The following EPB41 variants were observed in gnomAD, a reference collection of about 807,000 sequenced individuals.
The protein encoded by EPB41 is protein 4.1.
Under a neutral mutation model 108.0 loss-of-function variants are expected in EPB41, and 65 were observed. The ratio of observed to expected loss-of-function variants is 0.60; its 90% CI spans 0.49 to 0.74. The LOEUF is 0.74. Among genes scored for constraint, EPB41 ranks in the 30% least tolerant of loss-of-function variants. The pLI, the probability that EPB41 is intolerant of heterozygous loss-of-function variation, is 0.00. For missense variants in EPB41, 875 were observed against 1,037.0 expected, an observed-to-expected ratio of 0.84 and a Z score of 2.15; for synonymous variants, 336 against 358.9, an observed-to-expected ratio of 0.94 and a Z score of 0.72.
At chr1:29,036,452 G>T (rs1054830640) in intron 10 of EPB41, among the ~76,000 whole-genome samples, 1 of 151,858 alleles carries the variant, frequency 6.6e-6, no homozygotes, top group African/African-American at 2.4e-5. Flanking sequence ...ATAGAGACAC[G>T]CTTTCACTAT....
chr1:29,001,683 CTA>C (rs1274598452), intron 4 of EPB41, among the ~76,000 whole-genome samples: 1 of 152,284 alleles, frequency 6.6e-6, no homozygotes, highest in Admixed American at 6.5e-5. Flanking sequence ...TCATTGTCTT[CTA>C]GTTTCCAGTG....
chr1:28,975,872 C>T (rs2095593053), intron 1 of EPB41, among the ~76,000 whole-genome samples: 3 of 135,592 alleles, frequency 2.2e-5, no homozygotes, highest in Middle Eastern at 4.1e-3. Flanking sequence ...ACCCGGGAGG[C>T]GGAGCTTGCA....
At chr1:28,993,028 C>T (rs1040112175) in intron 2 of EPB41, among the ~76,000 whole-genome samples, 40 of 152,026 alleles carry the variant, frequency 2.6e-4, no homozygotes, top group Non-Finnish European at 5.1e-4. Flanking sequence ...TTTAATAATA[C>T]CGTGTAATGG....
At position 29,035,678 on chromosome 1, in the gene EPB41, GA is replaced by G. The variant is rs575107237; in HGVS notation, c.1366-142del. ...TGAGTGAATTTCTTTCAGTAAGTAG[GA>G]AAAAATTCCAAATGACATTTTATGT... On this transcript the variant is annotated intron_variant, in intron 9 of 20. Transcript: ENST00000343067. 1,073 of 638,780 alleles carry G rather than the reference GA, an allele frequency of 1.7e-3. 11 individuals carry two copies. In the African/African-American group the frequency reaches 0.018, roughly 11 times the overall value. 39.6% of individuals were successfully genotyped at this position (638,780 alleles called of 1,614,324 possible). A position where few individuals can be genotyped will look rare whatever the true frequency, so the allele number is the denominator to read the frequency against.
chr1:28,930,368 A>G (rs1394913395), intron 1 of EPB41, among the ~76,000 whole-genome samples: 3 of 150,968 alleles, frequency 2.0e-5, no homozygotes, highest in Non-Finnish European at 4.4e-5. Context: ...GGGTCTTGTC[A>G]TATTGCCCAG....
Position 29,039,387 on chromosome 1 carries a change from C to G in EPB41, c.1597C>G (p.Arg533Gly). 6.2e-7 allele frequency: 1 copy of G among 1,614,034 alleles called. No homozygotes were observed. Among genetic ancestry groups the G allele is most frequent in the Non-Finnish European group, 8.5e-7 (1 of 1,180,020 alleles). ...LIDRPAPHFE[R>G]TASKRASRSL... ...TGACAGGCCTGCCCCACACTTCGAG[C>G]GTACAGCAAGTAAACGGGCGTCCCG... The change falls in exon 11 of 21, where the codon CGT becomes GGT. Residue 533 changes from arginine to glycine, a missense_variant. By Grantham distance (125) the Arg-to-Gly change is moderately radical. Transcript: ENST00000343067.
rs1228658249 is a variant in EPB41, at chr1:28,945,959, A to C, written c.-8+31191A>C. On this transcript the variant is annotated intron_variant, in intron 1 of 20. Transcript: ENST00000343067. ...CTTGTGAACTAGCCAGAGTATCCCA[A>C]CTGTGATAGGAAAGTAGACATTGTA... Among the ~76,000 whole-genome samples the C allele has an allele frequency of 2.6e-5, 4 of 152,288 alleles. No homozygotes were observed. In the East Asian group the frequency reaches 7.7e-4, roughly 29 times the overall value.
At chr1:29,015,129 C>T (rs1306373235) in intron 5 of EPB41, among the ~76,000 whole-genome samples, 2 of 151,896 alleles carry the variant, frequency 1.3e-5, no homozygotes, top group African/African-American at 2.4e-5. Flanking sequence ...ATAAATCAAA[C>T]GATTATATTA....
At chr1:29,107,582 G>A (rs1252751112) in intron 17 of EPB41, among the ~76,000 whole-genome samples, 3 of 152,046 alleles carry the variant, frequency 2.0e-5, no homozygotes, top group African/African-American at 7.2e-5. Context: ...TGGGCGCGGT[G>A]GCTCAAAGAG....
rs2149522678 is a variant in EPB41 at position 28,987,864 on chromosome 1, C to G, written c.427C>G (p.Pro143Ala). ...TCCTGAACCGGAACTCAAAACAGAC[C>G]CATCTTTGGATCTTCATTCATTAAG... The part of the protein sequence containing the change: ...AAPEPELKTD[P>A]SLDLHSLSSA... The change falls in exon 2 of 21, where the codon CCA becomes GCA. Residue 143 changes from proline (P) to alanine (A), a missense_variant. Pro to Ala is a conservative substitution (Grantham distance 27, BLOSUM62 -1). Coordinates refer to ENST00000343067, the MANE Select transcript of EPB41 (RefSeq NM_001376013.1). The G allele has an allele frequency of 6.2e-7, 1 of 1,614,120 alleles. No individual in the cohort carries two copies. The highest frequency in any genetic ancestry group is 8.5e-7 in the Non-Finnish European group (1 of 1,180,018).
At chr1:28,946,697 C>G (rs546388302) in intron 1 of EPB41, among the ~76,000 whole-genome samples, 4 of 152,092 alleles carry the variant, frequency 2.6e-5, no homozygotes, top group African/African-American at 9.7e-5. Context: ...TGTTTCATAC[C>G]TATACTCCTC....
chr1:29,060,363 G>C (rs142735199), intron 14 of EPB41, 59 bp from the exon 15 acceptor site: 1 of 1,559,346 alleles, frequency 6.4e-7, no homozygotes, highest in Non-Finnish European at 8.8e-7. Flanking sequence ...GTTTTTTCCC[G>C]CAAGAACAAC....
intron 14 of EPB41, 21 bp from the exon 15 acceptor site, chr1:29,060,401 T>C (rs376516908): frequency 1.5e-5 from 24 of 1,608,922 alleles, no homozygotes; most frequent in African/African-American, 6.7e-5. Flanking sequence ...TTTTCTGTTT[T>C]CCCCCCTTTC....
intron 1 of EPB41, among the ~76,000 whole-genome samples, chr1:28,976,144 T>A (rs990367212): frequency 1.3e-5 from 2 of 152,100 alleles, no homozygotes; most frequent in African/African-American, 4.8e-5. Flanking sequence ...GATACTAGCC[T>A]GATAATTTAC....
At chr1:28,953,139 G>A (rs190576663) in intron 1 of EPB41, among the ~76,000 whole-genome samples, 3 of 151,738 alleles carry the variant, frequency 2.0e-5, no homozygotes, top group Non-Finnish European at 4.4e-5. Flanking sequence ...GCAAGTGATT[G>A]ATATGTCTCT....
intron 16 of EPB41, among the ~76,000 whole-genome samples, chr1:29,088,019 G>A (rs1463850262): frequency 1.3e-5 from 2 of 149,130 alleles, no homozygotes. Context: ...TTCTATCATA[G>A]CATCTTTTTT....
intron 4 of EPB41, among the ~76,000 whole-genome samples, chr1:28,997,990 T>C (rs1294881129): frequency 6.6e-6 from 1 of 152,202 alleles, no homozygotes; most frequent in African/African-American, 2.4e-5. Flanking sequence ...TGATGAAAGC[T>C]TTAGTCCAGT....
At chr1:29,015,790 T>C in intron 6 of EPB41, 23 bp downstream of exon 6, 1 of 1,439,096 alleles carries the variant, frequency 6.9e-7, no homozygotes, top group Non-Finnish European at 9.8e-7. Flanking sequence ...TAGTTAAATA[T>C]GTAATTTATC....
chr1:29,076,934 T>C (rs1654329526), intron 16 of EPB41, among the ~76,000 whole-genome samples: 1 of 152,138 alleles, frequency 6.6e-6, no homozygotes. Context: ...AAAATAGGCC[T>C]TGATTTTGCC....
Sources: allele counts gnomAD v4.1 joint callset (sites outside exome capture counted in the v4.1 genomes callset), GRCh38; gene constraint gnomAD v4.1.1; transcripts MANE v1.5; gene names NCBI Gene and HGNC (gene_info 2026-07-23, HGNC 2026-07-21).